Variants in MAST3 observed in about 807,000 individuals in gnomAD.
MAST3 encodes the protein microtubule-associated serine/threonine-protein kinase 3.
A neutral mutation model predicts 127.0 loss-of-function variants in MAST3; 43 were observed. That is an observed-to-expected ratio of 0.34 (90% CI 0.27 to 0.44). The LOEUF is 0.44. Ranked by LOEUF, MAST3 falls within the 20% of genes least tolerant of loss-of-function variation. The pLI, the probability that MAST3 is intolerant of heterozygous loss-of-function variation, is 1.00. For missense variants in MAST3, 1,390 were observed against 1,919.1 expected (o/e 0.72, Z 5.15); for synonymous variants, 785 against 809.2 (o/e 0.97, Z 0.51).
intron 1 of MAST3, among the ~76,000 whole-genome samples, chr19:18,102,993 G>A (rs2037773430): frequency 6.6e-6 from 1 of 152,008 alleles, no homozygotes; most frequent in South Asian, 2.1e-4. Flanking sequence ...GGCAAGCGCA[G>A]ACGGGTATAC....
At chr19:18,121,045 C>G (rs907345047) in intron 3 of MAST3, among the ~76,000 whole-genome samples, 3 of 151,602 alleles carry the variant, frequency 2.0e-5, no homozygotes, top group African/African-American at 7.3e-5. Context: ...TTAGTAGAGA[C>G]GGGTTTCACC....
intron 3 of MAST3, among the ~76,000 whole-genome samples, chr19:18,115,567 G>T (rs1169421789): frequency 6.6e-6 from 1 of 151,908 alleles, no homozygotes; most frequent in Non-Finnish European, 1.5e-5. Flanking sequence ...GGGGGTCATA[G>T]GTGACCACTC....
chr19:18,110,056 C>T lies in MAST3; in HGVS notation c.72-596C>T, dbSNP rs372918244. ...CGTCCCTGCGGCAGACAGGGCGGCA[C>T]CCGCGGCTCCCCTTTCCCGCTGCGC... On this transcript the variant is annotated intron_variant, in intron 2 of 27. Transcript: ENST00000687212. The surrounding 1 kb of genome is among the most constrained non-coding windows in gnomAD (Gnocchi z 4.3). 41 of 985,332 alleles carry T rather than the reference C, an allele frequency of 4.2e-5. No homozygotes were observed. In the East Asian group the frequency reaches 3.3e-3, roughly 79 times the overall value. 61.0% of individuals were successfully genotyped at this position (985,332 alleles called of 1,614,324 possible). A position where few individuals can be genotyped will look rare whatever the true frequency, so the allele number is the denominator to read the frequency against.
At chr19:18,148,496 A>C (rs1002523208) in intron 27 of MAST3, among the ~76,000 whole-genome samples, 7 of 151,970 alleles carry the variant, frequency 4.6e-5, no homozygotes, top group Admixed American at 4.6e-4. Flanking sequence ...AGAAAACAGA[A>C]GTGATACAGA....
chr19:18,121,399 C>A (rs1220008573), intron 3 of MAST3, among the ~76,000 whole-genome samples: 1 of 151,922 alleles, frequency 6.6e-6, no homozygotes, highest in Non-Finnish European at 1.5e-5. Context: ...TCAGAGGATC[C>A]TCCCACCTTG....
intron 3 of MAST3, among the ~76,000 whole-genome samples, chr19:18,114,045 C>T (rs1345076451): frequency 6.6e-6 from 1 of 152,184 alleles, no homozygotes; most frequent in Non-Finnish European, 1.5e-5. Flanking sequence ...TCCCTCCTTT[C>T]TTCTTCCGTC....
intron 2 of MAST3, among the ~76,000 whole-genome samples, chr19:18,107,852 C>T (rs560565542): frequency 6.6e-6 from 1 of 152,278 alleles, no homozygotes; most frequent in East Asian, 1.9e-4. Flanking sequence ...GGTTTCATCA[C>T]CAGCTAAGGA....
chr19:18,141,818 A>C (rs1273255591), intron 20 of MAST3, 64 bp from the exon 21 acceptor site: 1 of 1,265,284 alleles, frequency 7.9e-7, no homozygotes, highest in African/African-American at 1.5e-5. Flanking sequence ...GGCCTCTGAA[A>C]GTGCTGGGAT....
intron 19 of MAST3, among the ~76,000 whole-genome samples, chr19:18,138,778 C>T (rs558650016): frequency 1.2e-4 from 19 of 152,146 alleles, no homozygotes; most frequent in Admixed American, 5.9e-4. Context: ...GGATTACAGG[C>T]GTGAGCCACC....
chr19:18,133,649 G>T (rs2041576249), intron 15 of MAST3, among the ~76,000 whole-genome samples: 1 of 147,930 alleles, frequency 6.8e-6, no homozygotes, highest in South Asian at 2.1e-4. Flanking sequence ...AGAGTCCCTG[G>T]TTCAAGCGAT....
In MAST3 at chr19:18,133,614, T is replaced by C. The variant is rs991947484; in HGVS notation, c.1572-965T>C. On this transcript the variant is annotated intron_variant, in intron 15 of 27. Transcript: ENST00000687212. Reference sequence around the variant, plus strand: ...CTGTCGCCAGGCTGGAGTGCAGTGGTGCGATCTCGGCTCACTGCAACCTCA... The same window carrying C: ...CTGTCGCCAGGCTGGAGTGCAGTGGCGCGATCTCGGCTCACTGCAACCTCA... Among the ~76,000 whole-genome samples, 19 of 130,962 alleles carry C rather than the reference T, an allele frequency of 1.5e-4. No individual in the cohort carries two copies. In the Admixed American group the frequency reaches 1.7e-3, roughly 12 times the overall value. The allele number at this position is 130,962 out of a possible 152,430, so 85.9% of individuals were successfully genotyped here. A position where few individuals can be genotyped will look rare whatever the true frequency, so the allele number is the denominator to read the frequency against.
chr19:18,135,854 G>T lies in MAST3; in HGVS notation c.1972+13G>T. ...CGTCTGGGCACTGGTATGTAGTGTGGGGGAGAACCCAGGTGGGTGGCTCCT... is the reference window on the plus strand; with the variant it reads ...CGTCTGGGCACTGGTATGTAGTGTGTGGGAGAACCCAGGTGGGTGGCTCCT... On this transcript the variant is annotated intron_variant, in intron 18 of 27. Transcript: ENST00000687212. The T allele has an allele frequency of 6.3e-7, 1 of 1,586,478 alleles. No homozygotes were observed. The highest frequency in any genetic ancestry group is 8.6e-7 in the Non-Finnish European group (1 of 1,163,392).
At chr19:18,132,288 G>A (rs1599812335) in intron 15 of MAST3, among the ~76,000 whole-genome samples, 1 of 152,302 alleles carries the variant, frequency 6.6e-6, no homozygotes, top group East Asian at 1.9e-4. Flanking sequence ...CTGTATGCAG[G>A]GGAAGGCCGG....
At position 18,103,398 on chromosome 19, in the gene MAST3, G is replaced by A. The variant is rs193220761; in HGVS notation, c.40-4189G>A. Among the ~76,000 whole-genome samples, 69 of 152,242 alleles carry A rather than the reference G, an allele frequency of 4.5e-4. 1 individual carries two copies. The East Asian group carries it at 8.1e-3, about 18-fold the overall frequency. On this transcript the variant is annotated intron_variant, in intron 1 of 27. Transcript: ENST00000687212. Reference sequence around the variant, plus strand: ...ACTAAAAATACAAAATCAGCCAAGCGTGGTGGTGGGCGCCTGTAATCCCAG... The same window carrying A: ...ACTAAAAATACAAAATCAGCCAAGCATGGTGGTGGGCGCCTGTAATCCCAG...
In MAST3 at chr19:18,149,432, T is replaced by C; in HGVS notation, c.3750T>C (p.Pro1250=). 5.3e-6 allele frequency: 8 copies of C among 1,513,744 alleles called. No homozygotes were observed. The South Asian group carries it at 9.9e-5, about 19-fold the overall frequency. The allele number at this position is 1,513,744 out of a possible 1,614,324, so 93.8% of individuals were successfully genotyped here. The change falls in exon 28 of 28, where the codon CCT becomes CCC. Residue 1250 remains proline (P), a synonymous_variant. Transcript: ENST00000687212. This position sits in a 1 kb window ranked among gnomAD's most constrained non-coding sequence, Gnocchi z 5.9. ...PSPLPGHPPA[P]ARSPRLRRGQ... is the part of the protein sequence containing the mutation. ...CCCTGCCCGGGCACCCGCCCGCACC[T>C]GCCCGATCCCCGCGGCTGCGCCGGG...
At chr19:18,137,474 G>A in intron 19 of MAST3, 113 bp downstream of exon 19, 1 of 1,207,400 alleles carries the variant, frequency 8.3e-7, no homozygotes, top group Non-Finnish European at 1.2e-6. Context: ...CCTCACCTTA[G>A]GCCTGGAGCT....
chr19:18,130,995 G>T (rs182942497), intron 14 of MAST3, among the ~76,000 whole-genome samples: 1 of 152,346 alleles, frequency 6.6e-6, no homozygotes, highest in Admixed American at 6.5e-5. Flanking sequence ...AGTGAAGGCA[G>T]GGAGATGTAT....
At chr19:18,121,013 G>A (rs2039907230) in intron 3 of MAST3, among the ~76,000 whole-genome samples, 1 of 152,018 alleles carries the variant, frequency 6.6e-6, no homozygotes, top group South Asian at 2.1e-4. Context: ...GAGTCACCAT[G>A]CCCGACCTAA....
intron 1 of MAST3, among the ~76,000 whole-genome samples, chr19:18,106,305 G>T (rs1446522612): frequency 6.6e-6 from 1 of 151,940 alleles, no homozygotes; most frequent in African/African-American, 2.4e-5. Context: ...AGGCTAGAGT[G>T]CAATGGCACC....
Sources: gnomAD v4.1 joint callset for allele counts (sites outside exome capture counted in the v4.1 genomes callset) on GRCh38, gnomAD v4.1.1 for gene constraint, Gnocchi (gnomAD v3.1) non-coding constraint, MANE v1.5 for transcripts, NCBI Gene and HGNC (gene_info 2026-07-23, HGNC 2026-07-21) for gene names.